NSUN6: variants seen among roughly 807,000 people sequenced by gnomAD.
NSUN6 encodes tRNA (cytosine(72)-C(5))-methyltransferase NSUN6.
A neutral mutation model predicts 58.0 loss-of-function variants in NSUN6; 64 were observed. That is an observed-to-expected ratio of 1.10 (90% CI 0.90 to 1.36). NSUN6 has a LOEUF of 1.36. NSUN6 is among the 40% of genes most tolerant of loss of function. The pLI is 0.00. For synonymous variants in NSUN6, 231 were observed against 193.9 expected (o/e 1.19, Z -1.59); for missense variants, 701 against 550.1 (o/e 1.27, Z -2.74).
intron 8 of NSUN6, among the ~76,000 whole-genome samples, chr10:18,572,644 C>T (rs927164491): frequency 6.6e-6 from 1 of 150,750 alleles, no homozygotes; most frequent in Admixed American, 6.6e-5. Flanking sequence ...TTCTATTCTC[C>T]ATTCCATTCT....
At chr10:18,567,424 T>TCATTCCATGCTCCATTC (rs1187262482) in intron 8 of NSUN6, among the ~76,000 whole-genome samples, 3 of 146,642 alleles carry the variant, frequency 2.0e-5, no homozygotes, top group African/African-American at 5.0e-5. Flanking sequence ...ATGCTCCATT[T>TCATTCCATGCTCCATTC]CATTCCATGC....
chr10:18,604,911 A>T (rs1280041774), intron 6 of NSUN6, among the ~76,000 whole-genome samples: 2 of 145,252 alleles, frequency 1.4e-5, no homozygotes, highest in Admixed American at 6.9e-5. Context: ...TTTGAGACGG[A>T]GTCTCACACT....
At chr10:18,574,939 G>A (rs1554857618) in intron 8 of NSUN6, among the ~76,000 whole-genome samples, 1 of 152,100 alleles carries the variant, frequency 6.6e-6, no homozygotes, top group Non-Finnish European at 1.5e-5. Context: ...TAGCCAAGCA[G>A]TCTGTTGTAT....
At chr10:18,624,032 G>A (rs1377633681) in intron 3 of NSUN6, among the ~76,000 whole-genome samples, 1 of 151,894 alleles carries the variant, frequency 6.6e-6, no homozygotes, top group South Asian at 2.1e-4. Flanking sequence ...TTCATTGGTG[G>A]CACACACATA....
At chr10:18,634,586 C>G (rs147575367) in intron 3 of NSUN6, among the ~76,000 whole-genome samples, 191 of 142,420 alleles carry the variant, frequency 1.3e-3, no homozygotes, top group African/African-American at 2.1e-3. Flanking sequence ...CACATCTCTA[C>G]TAAAAAAAAT....
upstream of NSUN6, among the ~76,000 whole-genome samples, chr10:18,653,917 T>C (rs1259172007): frequency 2.6e-5 from 4 of 152,168 alleles, no homozygotes; most frequent in Non-Finnish European, 5.9e-5. Context: ...CAGGGAGGAC[T>C]GAAACAATTT....
At chr10:18,609,982 T>A in intron 5 of NSUN6, 56 bp from the exon 6 acceptor site, 1 of 1,051,912 alleles carries the variant, frequency 9.5e-7, no homozygotes, top group Non-Finnish European at 1.5e-6. Context: ...CTATACAAAC[T>A]ATGTTTCCAG....
chr10:18,587,157 C>T (rs2057187519), intron 7 of NSUN6, among the ~76,000 whole-genome samples: 1 of 152,190 alleles, frequency 6.6e-6, no homozygotes, highest in Admixed American at 6.5e-5. Context: ...TCGAAAGACA[C>T]TTAAAAACAT....
intron 8 of NSUN6, among the ~76,000 whole-genome samples, chr10:18,575,004 T>C (rs2056578674): frequency 6.6e-6 from 1 of 152,024 alleles, no homozygotes; most frequent in Non-Finnish European, 1.5e-5. Context: ...CCTACTGTAA[T>C]CCCCATTTTC....
At chr10:18,593,278 C>A (rs1256249874) in intron 7 of NSUN6, among the ~76,000 whole-genome samples, 6 of 152,186 alleles carry the variant, frequency 3.9e-5, no homozygotes, top group African/African-American at 7.2e-5. Context: ...ATTAGTTCAA[C>A]CGCTGTGGAA....
At chr10:18,642,666 G>A (rs2131567575) in intron 2 of NSUN6, 111 bp from the exon 3 acceptor site, 4 of 566,706 alleles carry the variant, frequency 7.1e-6, no homozygotes, top group Non-Finnish European at 1.3e-5. Flanking sequence ...GTAGCTCTGG[G>A]GCATTTTCAC....
rs187423716 is a variant in NSUN6, at chr10:18,600,859, C to T, written c.658-4532G>A. 4.7e-3 allele frequency among the ~76,000 whole-genome samples: 668 copies of T among 142,812 alleles called. 5 individuals are homozygous for T. Among genetic ancestry groups the T allele is most frequent in the African/African-American group, 0.017 (633 of 37,750 alleles). The allele number at this position is 142,812 out of a possible 152,430, so 93.7% of individuals were successfully genotyped here. ...ATGAGAATCTCTCAAAACTGGGAGG[C>T]GAAGGTTGCAGTGAGTGGAGATCAT... On this transcript the variant is annotated intron_variant, in intron 6 of 10. Transcript: ENST00000377304.
chr10:18,556,781 T>C (rs118102228), intron 8 of NSUN6, among the ~76,000 whole-genome samples: 1 of 142,224 alleles, frequency 7.0e-6, no homozygotes, highest in African/African-American at 2.6e-5. Context: ...GAATGGAAGG[T>C]AGAATGGAAT....
At chr10:18,602,274 T>C (rs1293125051) in intron 6 of NSUN6, among the ~76,000 whole-genome samples, 1 of 149,778 alleles carries the variant, frequency 6.7e-6, no homozygotes, top group Non-Finnish European at 1.5e-5. Flanking sequence ...GACGGAGTCT[T>C]GCTCTGTTGC....
chr10:18,627,505 T>C (rs1005693265), intron 3 of NSUN6, among the ~76,000 whole-genome samples: 6 of 152,118 alleles, frequency 3.9e-5, no homozygotes, highest in Admixed American at 3.9e-4. Context: ...GGTACCGGGT[T>C]CATCTCACTA....
intron 5 of NSUN6, among the ~76,000 whole-genome samples, chr10:18,613,557 A>C (rs959766559): frequency 6.6e-6 from 1 of 152,220 alleles, no homozygotes; most frequent in African/African-American, 2.4e-5. Context: ...GAGGCAGTCA[A>C]AATATCAATT....
intron 8 of NSUN6, among the ~76,000 whole-genome samples, chr10:18,561,122 A>G (rs2055471023): frequency 7.6e-6 from 1 of 130,874 alleles, no homozygotes; most frequent in South Asian, 2.8e-4. Context: ...TAGAATATAG[A>G]ATGCAATGGA....
chr10:18,584,306 T>C (rs2057033188), intron 8 of NSUN6, among the ~76,000 whole-genome samples: 1 of 152,218 alleles, frequency 6.6e-6, no homozygotes, highest in Non-Finnish European at 1.5e-5. Flanking sequence ...CCTTACCTTA[T>C]AAAAGTTTCC....
At chr10:18,645,262 A>G (rs1476921248) in intron 2 of NSUN6, among the ~76,000 whole-genome samples, 2 of 101,106 alleles carry the variant, frequency 2.0e-5, no homozygotes, top group Non-Finnish European at 4.2e-5. Flanking sequence ...GATTGTCCAC[A>G]TGGCTGAGAT....
Sources: allele counts gnomAD v4.1 joint callset (sites outside exome capture counted in the v4.1 genomes callset), GRCh38; gene constraint gnomAD v4.1.1; transcripts MANE v1.5; gene names NCBI Gene and HGNC (gene_info 2026-07-23, HGNC 2026-07-21).